SLC71A2: variants seen among roughly 807,000 people sequenced by gnomAD.
SLC71A2 encodes the protein solute carrier family 71 member 2, also known as hippocampus abundant transcript-like 1.
the SLC71A2 span, among the ~76,000 whole-genome samples, chr9:94,383,161 CT>C: frequency 5.2e-3 from 548 of 105,720 alleles, 1 homozygote; most frequent in African/African-American, 0.017. Flanking sequence ...GCTTTTACAT[CT>C]TTTTTTTTTT....
the SLC71A2 span, among the ~76,000 whole-genome samples, chr9:94,437,122 G>A: frequency 2.8e-5 from 4 of 143,610 alleles, no homozygotes; most frequent in Non-Finnish European, 4.5e-5. Flanking sequence ...CTGTTGGCAC[G>A]CAGGAACATT....
the SLC71A2 span, among the ~76,000 whole-genome samples, chr9:94,442,945 C>G: frequency 6.6e-6 from 1 of 152,122 alleles, no homozygotes; most frequent in South Asian, 2.1e-4. Context: ...GTAGGTTGTT[C>G]AAGTTGTGCC....
the SLC71A2 span, among the ~76,000 whole-genome samples, chr9:94,407,417 C>T: frequency 6.8e-6 from 1 of 147,508 alleles, no homozygotes; most frequent in Non-Finnish European, 1.5e-5. Flanking sequence ...CTTGCTCTGT[C>T]ACCCAGGCTA....
the SLC71A2 span, chr9:94,454,160 G>A: frequency 1.2e-6 from 1 of 846,310 alleles, no homozygotes; most frequent in Non-Finnish European, 2.0e-6. Flanking sequence ...AAGGAAGCAA[G>A]GGTTATTTTG....
At chr9:94,429,666 C>A in the SLC71A2 span, among the ~76,000 whole-genome samples, 1 of 152,026 alleles carries the variant, frequency 6.6e-6, no homozygotes, top group Non-Finnish European at 1.5e-5. Context: ...ATAACTCAGC[C>A]ACTTGATTTA....
the SLC71A2 span, among the ~76,000 whole-genome samples, chr9:94,455,181 TGAG>T: frequency 5.9e-5 from 4 of 67,322 alleles, no homozygotes; most frequent in Admixed American, 2.0e-4. Flanking sequence ...TTTTTTTTTT[TGAG>T]AGAGAGAGGG....
the SLC71A2 span, among the ~76,000 whole-genome samples, chr9:94,408,311 C>G: frequency 8.5e-5 from 13 of 152,244 alleles, no homozygotes; most frequent in East Asian, 2.5e-3. Context: ...GACTTAACCC[C>G]TTTGTAAGTC....
the SLC71A2 span, among the ~76,000 whole-genome samples, chr9:94,393,378 AGTG>A: frequency 2.1e-5 from 1 of 48,718 alleles, no homozygotes; most frequent in African/African-American, 7.0e-5. Context: ...TTAGTGGTCA[AGTG>A]AAGGTCTACG....
chr9:94,439,939 T>G, the SLC71A2 span, among the ~76,000 whole-genome samples: 42 of 152,180 alleles, frequency 2.8e-4, no homozygotes, highest in Non-Finnish European at 5.3e-4. Context: ...CTAATTGCTT[T>G]GACTAATGAA....
At chr9:94,388,596 T>C in the SLC71A2 span, among the ~76,000 whole-genome samples, 1 of 152,144 alleles carries the variant, frequency 6.6e-6, no homozygotes, top group Non-Finnish European at 1.5e-5. Flanking sequence ...CCTATTGATA[T>C]GAATATGGTG....
chr9:94,447,664 A>G, the SLC71A2 span, among the ~76,000 whole-genome samples: 2 of 152,206 alleles, frequency 1.3e-5, 1 homozygote, highest in Non-Finnish European at 2.9e-5. Flanking sequence ...ACCTACATTG[A>G]CAAATTATCT....
the SLC71A2 span, chr9:94,456,149 G>C: frequency 3.8e-5 from 29 of 771,602 alleles, no homozygotes; most frequent in African/African-American, 4.4e-4. Flanking sequence ...GAGAAAACAA[G>C]GCATTTGTAC....
chr9:94,454,491 C>T, the SLC71A2 span, among the ~76,000 whole-genome samples: 1 of 150,954 alleles, frequency 6.6e-6, no homozygotes, highest in Non-Finnish European at 1.5e-5. Flanking sequence ...CCTCAGGCTC[C>T]TGAGTAGCTA....
chr9:94,455,378 A>ATTT, the SLC71A2 span, among the ~76,000 whole-genome samples: 607 of 85,750 alleles, frequency 7.1e-3, 29 homozygotes, highest in Non-Finnish European at 9.2e-3. Flanking sequence ...TAATATTCTG[A>ATTT]TTTTTTTTTT....
chr9:94,447,213 C>G, the SLC71A2 span, among the ~76,000 whole-genome samples: 1 of 149,042 alleles, frequency 6.7e-6, no homozygotes, highest in Non-Finnish European at 1.5e-5. Flanking sequence ...GAGTTTTGCT[C>G]TTGTCCACCA....
At chr9:94,442,925 A>C in the SLC71A2 span, among the ~76,000 whole-genome samples, 1 of 152,092 alleles carries the variant, frequency 6.6e-6, no homozygotes, top group Non-Finnish European at 1.5e-5. Flanking sequence ...GAAAAAACAA[A>C]AACAAGAAGG....
the SLC71A2 span, among the ~76,000 whole-genome samples, chr9:94,409,073 T>C: frequency 1.3e-5 from 2 of 150,134 alleles, no homozygotes; most frequent in Non-Finnish European, 3.0e-5. Flanking sequence ...GACCTCGTGA[T>C]CCGCCTGCCT....
the SLC71A2 span, chr9:94,415,296 G>A: frequency 7.2e-7 from 1 of 1,394,562 alleles, no homozygotes. Context: ...AAGAGAAAGA[G>A]ATAAGTTCTT....
the SLC71A2 span, among the ~76,000 whole-genome samples, chr9:94,454,315 T>C: frequency 6.6e-6 from 1 of 152,164 alleles, no homozygotes; most frequent in African/African-American, 2.4e-5. Context: ...TATCTCTCTC[T>C]TCCCTCCAGC....
Sources: allele counts gnomAD v4.1 joint callset (sites outside exome capture counted in the v4.1 genomes callset), GRCh38; gene constraint gnomAD v4.1.1; transcripts MANE v1.5; gene names NCBI Gene and HGNC (gene_info 2026-07-23, HGNC 2026-07-21).